PANK1: variants seen among roughly 807,000 people sequenced by gnomAD.
PANK1 encodes the protein pantothenic acid kinase 1.
A neutral mutation model predicts 40.1 loss-of-function variants in PANK1; 18 were observed. The observed-to-expected ratio is 0.45, with a 90% CI of 0.31 to 0.67. PANK1 has a LOEUF of 0.67. Ranked by LOEUF, PANK1 falls within the 30% of genes least tolerant of loss-of-function variation. The probability of loss-of-function intolerance (pLI) is 0.06; values close to 1 mark genes in which losing one functional copy is unlikely to be tolerated. For missense variants in PANK1, 457 were observed against 599.6 expected (o/e 0.76, Z 2.48); for synonymous variants, 242 against 237.7 (o/e 1.02, Z -0.17).
At chr10:89,591,030 A>G (rs7922797) in intron 5 of PANK1, among the ~76,000 whole-genome samples, 38,950 of 151,150 alleles carry the variant, frequency 0.26, 5,156 homozygotes, top group Middle Eastern at 0.29. Flanking sequence ...TCTCCTTTAC[A>G]TATGTTTATG....
At chr10:89,615,276 G>C (rs1845284654) in intron 1 of PANK1, among the ~76,000 whole-genome samples, 1 of 152,186 alleles carries the variant, frequency 6.6e-6, no homozygotes, top group Admixed American at 6.5e-5. Flanking sequence ...AATTCACCCA[G>C]GTACAGCTGC....
chr10:89,614,869 C>G (rs1333453741), intron 1 of PANK1, among the ~76,000 whole-genome samples: 1 of 151,546 alleles, frequency 6.6e-6, no homozygotes, highest in Non-Finnish European at 1.5e-5. Flanking sequence ...ATAAGAAAAG[C>G]AAGAAATGCC....
intron 1 of PANK1, chr10:89,643,642 G>A: frequency 2.9e-6 from 4 of 1,368,418 alleles, no homozygotes; most frequent in Non-Finnish European, 4.1e-6. Flanking sequence ...TCCCTATATC[G>A]AACAGCATAA....
rs755232917 is a variant in PANK1 at position 89,645,230 on chromosome 10, C to A, written c.-339G>T. On this transcript the variant is annotated 5_prime_UTR_variant, in exon 1 of 7. Transcript: ENST00000307534. ...CGCGCGACTTCAAACGCGGCTTCCT[C>A]GCCTCCCAGACTGGTCCCCGCCACT... 6.2e-6 allele frequency: 10 copies of A among 1,600,008 alleles called. No individual in the cohort carries two copies. Among genetic ancestry groups the A allele is most frequent in the Non-Finnish European group, 6.8e-6 (8 of 1,174,162 alleles).
At chr10:89,621,807 G>A (rs112682459) in intron 1 of PANK1, among the ~76,000 whole-genome samples, 2,249 of 152,318 alleles carry the variant, frequency 0.015, 51 homozygotes, top group African/African-American at 0.051. Context: ...TCAACCTCCT[G>A]TATTCAAGCA....
intron 1 of PANK1, among the ~76,000 whole-genome samples, chr10:89,629,956 C>T (rs1343775600): frequency 6.6e-6 from 1 of 152,126 alleles, no homozygotes; most frequent in South Asian, 2.1e-4. Flanking sequence ...ATATAAAAAT[C>T]AAACAAAAAA....
At chr10:89,626,790 C>T (rs555844957) in intron 1 of PANK1, among the ~76,000 whole-genome samples, 19 of 152,204 alleles carry the variant, frequency 1.2e-4, no homozygotes, top group African/African-American at 3.9e-4. Flanking sequence ...TTCTAATGCC[C>T]GGCACTAAGG....
chr10:89,636,316 G>GTTA (rs140062854), intron 1 of PANK1, among the ~76,000 whole-genome samples: 843 of 64,016 alleles, frequency 0.013, 6 homozygotes, highest in African/African-American at 0.028. Context: ...TGCATCCACA[G>GTTA]TTATTATTAT....
chr10:89,629,277 TC>T (rs1485940867), intron 1 of PANK1, among the ~76,000 whole-genome samples: 1 of 152,178 alleles, frequency 6.6e-6, no homozygotes, highest in Non-Finnish European at 1.5e-5. Context: ...ATCACTGGCA[TC>T]CCCTGAGGTT....
chr10:89,623,665 G>A (rs11185816), intron 1 of PANK1, among the ~76,000 whole-genome samples: 7,074 of 152,150 alleles, frequency 0.046, 206 homozygotes, highest in African/African-American at 0.082. Context: ...GCAGGTCTGT[G>A]GTCCTGCCCA....
At chr10:89,600,373 G>A (rs1844740155) in intron 2 of PANK1, among the ~76,000 whole-genome samples, 1 of 152,142 alleles carries the variant, frequency 6.6e-6, no homozygotes, top group Non-Finnish European at 1.5e-5. Flanking sequence ...TCCAGGCTTG[G>A]GCTCTGTAGT....
intron 1 of PANK1, among the ~76,000 whole-genome samples, chr10:89,633,036 C>G (rs1285739461): frequency 6.6e-6 from 1 of 152,152 alleles, no homozygotes; most frequent in Non-Finnish European, 1.5e-5. Context: ...TGAGCTTCTT[C>G]TGTGAACTGT....
intron 1 of PANK1, among the ~76,000 whole-genome samples, chr10:89,630,493 T>G (rs1383709612): frequency 1.5e-5 from 2 of 130,402 alleles, no homozygotes; most frequent in African/African-American, 6.5e-5. Context: ...AATGTGCAGT[T>G]TTTTTGTTTT....
intron 2 of PANK1, among the ~76,000 whole-genome samples, chr10:89,606,093 T>A (rs1844957105): frequency 6.6e-6 from 1 of 152,232 alleles, no homozygotes; most frequent in African/African-American, 2.4e-5. Context: ...TAAACAGATG[T>A]ACTATCATCC....
intron 6 of PANK1, among the ~76,000 whole-genome samples, chr10:89,587,583 T>C (rs532925630): frequency 2.0e-5 from 3 of 152,192 alleles, no homozygotes; most frequent in African/African-American, 7.2e-5. Flanking sequence ...GGAAACAAAC[T>C]GGAAATCAAA....
chr10:89,587,589 T>G (rs1844233616), intron 6 of PANK1, among the ~76,000 whole-genome samples: 1 of 152,076 alleles, frequency 6.6e-6, no homozygotes, highest in Non-Finnish European at 1.5e-5. Flanking sequence ...AAACTGGAAA[T>G]CAAAGGAGGT....
chr10:89,581,755 G>C (rs1331846018), downstream of PANK1: 1 of 152,200 alleles, frequency 6.6e-6, no homozygotes, highest in Non-Finnish European at 1.5e-5. Flanking sequence ...GTCAGAGTCA[G>C]TATCCTGTTA....
Position 89,644,710 on chromosome 10 carries a change from A to C in PANK1, c.182T>G (p.Leu61Arg). Residue 61 changes from leucine (L) to arginine (R), a missense_variant, in exon 1 of 7, where the codon CTC becomes CGC. This residue lies in a region of PANK1 where 144 missense variants were observed against 131.2 expected (regional missense o/e 1.10). Transcript: ENST00000307534. ...VGGSDAAPQR[L>R]PLLPELQPQP... ...CGGCTGCAGCTCCGGCAGGAGCGGG[A>C]GGCGCTGGGGCGCCGCGTCGCTGCC... The C allele has an allele frequency of 6.5e-7, 1 of 1,541,084 alleles. No homozygotes were observed. Among genetic ancestry groups the C allele is most frequent in the Non-Finnish European group, 8.7e-7 (1 of 1,150,612 alleles).
intron 1 of PANK1, among the ~76,000 whole-genome samples, chr10:89,639,912 T>A (rs996001523): frequency 2.6e-5 from 4 of 152,226 alleles, no homozygotes; most frequent in African/African-American, 9.6e-5. Context: ...GGATGAGCAT[T>A]TTGCCAAAGG....
Sources: gnomAD v4.1 joint callset for allele counts (sites outside exome capture counted in the v4.1 genomes callset) on GRCh38, gnomAD v4.1.1 for gene constraint, gnomAD v4.1.1 regional missense constraint, MANE v1.5 for transcripts, NCBI Gene and HGNC (gene_info 2026-07-23, HGNC 2026-07-21) for gene names.